The following DCLRE1C variants were observed in gnomAD, a reference collection of about 807,000 sequenced individuals.
DCLRE1C encodes DNA cross-link repair 1C.
Under a neutral mutation model 61.4 loss-of-function variants are expected in DCLRE1C, and 47 were observed. The ratio of observed to expected loss-of-function variants is 0.77; its 90% CI spans 0.61 to 0.98. The LOEUF (loss-of-function observed/expected upper bound fraction) is 0.98. DCLRE1C is among the 50% of genes least tolerant of loss of function. The pLI is 0.00. For synonymous variants in DCLRE1C, 337 were observed against 287.6 expected, an observed-to-expected ratio of 1.17 and a Z score of -1.74; for missense variants, 858 against 816.0, an observed-to-expected ratio of 1.05 and a Z score of -0.63.
chr10:14,909,403 T>C (rs1164214503), intron 13 of DCLRE1C, 73 bp from the exon 14 acceptor site: 7 of 1,396,970 alleles, frequency 5.0e-6, no homozygotes, highest in African/African-American at 1.4e-5. Flanking sequence ...ATCTGTACTT[T>C]TAATTCTTGG....
rs1842850479 is a variant in DCLRE1C, at chr10:14,954,091, G to T, written c.-81C>A. On this transcript the variant is annotated 5_prime_UTR_variant, in exon 1 of 14. Transcript: ENST00000378278. The stretch of plus-strand genomic sequence containing the variant: ...GCCCTGACCGCGCCGCCACTTCCGG[G>T]AAGCCGCGCGCTGCCTCGCCATTGG... 1.3e-6 allele frequency: 2 copies of T among 1,599,852 alleles called. No homozygotes were observed. The highest frequency in any genetic ancestry group is 3.4e-5 in the Admixed American group (2 of 58,056).
Position 14,934,383 on chromosome 10 carries a change from G to A in DCLRE1C, c.675C>T (p.Val225=), listed in dbSNP as rs150805064. The change falls in exon 8 of 14, where the codon GTC becomes GTT. Residue 225 remains valine (V), a synonymous_variant. Coordinates refer to ENST00000378278, the MANE Select transcript of DCLRE1C (RefSeq NM_001033855.3). ...AAAGAATGAACAGTCACCATACCTG[G>A]ACTCCTAATTCTTCACTAAGGTTGG... The part of the protein sequence containing the change: ...LFTNLSEELG[V]QVHVNKLDMF... 7.9e-5 allele frequency: 128 copies of A among 1,613,624 alleles called. No homozygotes were observed. In the African/African-American group the frequency reaches 1.1e-3, roughly 14 times the overall value.
At chr10:14,946,144 G>A (rs1488808463) in intron 2 of DCLRE1C, among the ~76,000 whole-genome samples, 1 of 151,236 alleles carries the variant, frequency 6.6e-6, no homozygotes, top group African/African-American at 2.4e-5. Context: ...GAGTAGCTGG[G>A]ACTACATGCG....
At chr10:14,914,014 G>A (rs1319541458) in intron 13 of DCLRE1C, among the ~76,000 whole-genome samples, 1 of 152,132 alleles carries the variant, frequency 6.6e-6, no homozygotes. Flanking sequence ...AAGAACAAAT[G>A]GAACAAATAG....
rs543134179 is a variant in DCLRE1C at position 14,937,070 on chromosome 10, C to T, written c.307-477G>A. Among the ~76,000 whole-genome samples, 51 of 152,202 alleles carry T rather than the reference C, an allele frequency of 3.4e-4. No homozygotes were observed. In the East Asian group the frequency reaches 8.7e-3, roughly 26 times the overall value. ...AGAAATGAACACATGTTGTATGATTCCACTCATATGAAATATCCGGAATAG... is the reference window on the plus strand; with the variant it reads ...AGAAATGAACACATGTTGTATGATTTCACTCATATGAAATATCCGGAATAG... On this transcript the variant is annotated intron_variant, in intron 4 of 13. Transcript: ENST00000378278.
intron 4 of DCLRE1C, among the ~76,000 whole-genome samples, chr10:14,937,818 C>T (rs1405311739): frequency 6.7e-6 from 1 of 148,228 alleles, no homozygotes; most frequent in African/African-American, 2.5e-5. Context: ...CGCTTGAAAC[C>T]AGGAGGTAGA....
chr10:14,934,347 A>G (rs779014574), intron 8 of DCLRE1C, 33 bp downstream of exon 8: 3 of 1,596,588 alleles, frequency 1.9e-6, no homozygotes, highest in African/African-American at 2.7e-5. Flanking sequence ...AAAAAAAGAA[A>G]AAAGAAAAGA....
chr10:14,927,876 TAA>T (rs1323202069), intron 10 of DCLRE1C, 138 bp downstream of exon 10: 1 of 553,750 alleles, frequency 1.8e-6, no homozygotes, highest in Non-Finnish European at 2.5e-6. Context: ...CCCCTCCATT[TAA>T]ATAAAATTTA....
chr10:14,916,543 A>C (rs1229875773), intron 13 of DCLRE1C, among the ~76,000 whole-genome samples: 1 of 152,220 alleles, frequency 6.6e-6, no homozygotes, highest in Non-Finnish European at 1.5e-5. Flanking sequence ...AATGTTCCAA[A>C]ATTCAAAGAA....
intron 4 of DCLRE1C, among the ~76,000 whole-genome samples, chr10:14,937,910 A>G (rs1840225838): frequency 6.6e-6 from 1 of 151,666 alleles, no homozygotes. Context: ...AAAAAAAAAA[A>G]AAAAAAAGAT....
rs1390827788 is a variant in DCLRE1C, at chr10:14,939,873, T to C, written c.247-4A>G. On this transcript the variant is annotated splice_region_variant and splice_polypyrimidine_tract_variant and intron_variant, in intron 3 of 13. Transcript: ENST00000378278. ...GAGTCTCGATTTCAATAGATATCTA[T>C]AAAAATAAAATAAGAGACCATGTAT... 1 of 1,588,338 alleles carries C rather than the reference T, an allele frequency of 6.3e-7. No homozygotes were observed. The highest frequency in any genetic ancestry group is 1.7e-5 in the Admixed American group (1 of 59,686).
chr10:14,936,686 A>G, intron 4 of DCLRE1C, 93 bp from the exon 5 acceptor site: 2 of 824,390 alleles, frequency 2.4e-6, no homozygotes, highest in Admixed American at 4.2e-5. Flanking sequence ...ACATTTATGT[A>G]CCTTTTAACA....
At chr10:14,910,887 A>G (rs1351318132) in intron 13 of DCLRE1C, among the ~76,000 whole-genome samples, 1 of 152,202 alleles carries the variant, frequency 6.6e-6, no homozygotes, top group Non-Finnish European at 1.5e-5. Flanking sequence ...TAAGACACAG[A>G]TGAGTCCTAT....
In DCLRE1C at chr10:14,905,865, C is replaced by T. The variant is rs188150710; in HGVS notation, c.*2543G>A. Among the ~76,000 whole-genome samples, 1 of 152,070 alleles carries T rather than the reference C, an allele frequency of 6.6e-6. No individual in the cohort carries two copies. The highest frequency in any genetic ancestry group is 6.5e-5 in the Admixed American group (1 of 15,268). On this transcript the variant is annotated 3_prime_UTR_variant, in exon 14 of 14. Coordinates refer to ENST00000378278, the MANE Select transcript of DCLRE1C (RefSeq NM_001033855.3). ...CCAGGTGTGGCACACACCTGTAATC[C>T]CAGCTACTTGGGAGGCTGAGGCAGG...
At chr10:14,942,897 G>A (rs1841089344) in intron 3 of DCLRE1C, among the ~76,000 whole-genome samples, 2 of 152,168 alleles carry the variant, frequency 1.3e-5, no homozygotes, top group South Asian at 4.1e-4. Flanking sequence ...GGCCGAGGCG[G>A]GAGGATCACC....
intron 13 of DCLRE1C, among the ~76,000 whole-genome samples, chr10:14,911,813 G>C (rs929593149): frequency 6.6e-6 from 1 of 152,114 alleles, no homozygotes; most frequent in African/African-American, 2.4e-5. Flanking sequence ...CACTGAAGAA[G>C]TTACATAAAT....
Position 14,909,080 on chromosome 10 carries a change from C to G in DCLRE1C, c.1407G>C (p.Leu469=). 6.2e-7 allele frequency: 1 copy of G among 1,614,194 alleles called. No homozygotes were observed. The highest frequency in any genetic ancestry group is 8.5e-7 in the Non-Finnish European group (1 of 1,180,044). The change falls in exon 14 of 14, where the codon CTG becomes CTC. Residue 469 remains leucine, a synonymous_variant. Coordinates refer to ENST00000378278, the MANE Select transcript of DCLRE1C (RefSeq NM_001033855.3). The part of the protein sequence containing the change: ...SEEEVGIPAS[L]QGDLGSVLHL... The stretch of plus-strand genomic sequence containing the variant: ...GAAGTACAGAGCCCAGATCTCCTTG[C>G]AGTGAAGCTGGGATTCCTACTTCTT...
At chr10:14,949,679 A>C (rs1842177667) in intron 1 of DCLRE1C, among the ~76,000 whole-genome samples, 1 of 152,264 alleles carries the variant, frequency 6.6e-6, no homozygotes, top group South Asian at 2.1e-4. Context: ...TAAGTATATC[A>C]TGCATTCCAA....
rs753674918 is a variant in DCLRE1C, at chr10:14,909,172, C to T, written c.1315G>A (p.Glu439Lys). The T allele has an allele frequency of 1.2e-6, 2 of 1,614,228 alleles. No individual in the cohort carries two copies. Among genetic ancestry groups the T allele is most frequent in the Non-Finnish European group, 1.7e-6 (2 of 1,180,038 alleles). ...LRQTPGCCRA[E>K]CMQSSRFTNF... is the part of the protein sequence containing the mutation. ...GTGAAACGAGAGCTCTGCATACACTCTGCTCTGCAGCATCCTGGGGTTTGT... is the reference window on the plus strand; with the variant it reads ...GTGAAACGAGAGCTCTGCATACACTTTGCTCTGCAGCATCCTGGGGTTTGT... The change falls in exon 14 of 14, where the codon GAG becomes AAG. Residue 439 changes from glutamate (E) to lysine (K), a missense_variant. Coordinates refer to ENST00000378278, the MANE Select transcript of DCLRE1C (RefSeq NM_001033855.3).
Sources: gnomAD v4.1 joint callset for allele counts (sites outside exome capture counted in the v4.1 genomes callset) on GRCh38, gnomAD v4.1.1 for gene constraint, MANE v1.5 for transcripts, NCBI Gene and HGNC (gene_info 2026-07-23, HGNC 2026-07-21) for gene names.